SRRM4: variants seen among roughly 807,000 people sequenced by gnomAD.
SRRM4 encodes serine/arginine repetitive matrix protein 4.
A neutral mutation model predicts 68.9 loss-of-function variants in SRRM4; 33 were observed. The ratio of observed to expected loss-of-function variants is 0.48; its 90% CI spans 0.36 to 0.64. The LOEUF is 0.64. SRRM4 is among the 30% of genes least tolerant of loss of function. The pLI is 0.00. For synonymous variants in SRRM4, 318 were observed against 318.8 expected, an observed-to-expected ratio of 1.00 and a Z score of 0.03; for missense variants, 817 against 827.1, an observed-to-expected ratio of 0.99 and a Z score of 0.15.
At chr12:118,986,568 C>CTG (rs1234009333) in intron 1 of SRRM4, among the ~76,000 whole-genome samples, 1 of 152,176 alleles carries the variant, frequency 6.6e-6, no homozygotes, top group Non-Finnish European at 1.5e-5. Flanking sequence ...TTCTGAGACG[C>CTG]TGAGGCTTCT....
chr12:119,122,001 A>AT, intron 5 of SRRM4, 69 bp from the exon 6 acceptor site: 2 of 1,024,612 alleles, frequency 2.0e-6, no homozygotes, highest in Non-Finnish European at 1.6e-6. Context: ...TGTGTTAAGC[A>AT]TTTTAACTAC....
Position 119,153,619 on chromosome 12 carries a change from G to A in SRRM4, c.1361G>A (p.Ser454Asn). Residue 454 changes from serine (S) to asparagine (N), a missense_variant, in exon 11 of 13, where the codon AGC (serine) becomes AAC (asparagine). Transcript: ENST00000267260. Reference protein sequence around the residue: ...PPSRSSRSRRSPSYSRYSPSR... With the variant: ...PPSRSSRSRRNPSYSRYSPSR... ...AGCAGAAGCTCTAGGTCCCGCCGCA[G>A]CCCTAGCTACTCCCGCTACAGCCCC... 6.4e-7 allele frequency: 1 copy of A among 1,564,552 alleles called. No homozygotes were observed. Among genetic ancestry groups the A allele is most frequent in the Non-Finnish European group, 8.7e-7 (1 of 1,155,966 alleles).
intron 1 of SRRM4, among the ~76,000 whole-genome samples, chr12:119,095,838 T>G (rs1412070650): frequency 6.7e-6 from 1 of 150,310 alleles, no homozygotes; most frequent in Non-Finnish European, 1.5e-5. Flanking sequence ...CAGGTGCCTG[T>G]AATCCCAGCT....
intron 2 of SRRM4, among the ~76,000 whole-genome samples, chr12:119,105,345 T>A (rs1162613401): frequency 6.6e-6 from 1 of 152,192 alleles, no homozygotes; most frequent in Non-Finnish European, 1.5e-5. Context: ...AGTAATTGGA[T>A]GGCTGCGTCA....
intron 1 of SRRM4, among the ~76,000 whole-genome samples, chr12:119,088,260 C>G (rs1238764387): frequency 6.6e-6 from 1 of 152,068 alleles, no homozygotes; most frequent in Non-Finnish European, 1.5e-5. Context: ...TTACAAAAGT[C>G]CTGGAATTGG....
chr12:119,063,246 C>T (rs1451693535), intron 1 of SRRM4, among the ~76,000 whole-genome samples: 3 of 152,196 alleles, frequency 2.0e-5, no homozygotes, highest in Non-Finnish European at 4.4e-5. Flanking sequence ...GCACATGACT[C>T]CCATGGCCAT....
intron 1 of SRRM4, among the ~76,000 whole-genome samples, chr12:119,041,165 T>C (rs1415842762): frequency 6.6e-6 from 1 of 152,194 alleles, no homozygotes; most frequent in Non-Finnish European, 1.5e-5. Flanking sequence ...ACCCCTGTCC[T>C]TCAAATGAGG....
intron 2 of SRRM4, among the ~76,000 whole-genome samples, chr12:119,105,512 C>G (rs944523907): frequency 6.6e-6 from 1 of 152,212 alleles, no homozygotes; most frequent in African/African-American, 2.4e-5. Flanking sequence ...GATCGCCATT[C>G]TAACTGGTGT....
intron 1 of SRRM4, among the ~76,000 whole-genome samples, chr12:119,019,195 T>C (rs1449198553): frequency 6.6e-6 from 1 of 152,152 alleles, no homozygotes; most frequent in Non-Finnish European, 1.5e-5. Context: ...TAAATCAAAT[T>C]CTAATTCAAA....
chr12:119,060,103 T>A (rs991712556), intron 1 of SRRM4, among the ~76,000 whole-genome samples: 1 of 148,870 alleles, frequency 6.7e-6, no homozygotes, highest in Middle Eastern at 3.3e-3. Flanking sequence ...CAGATCTCAG[T>A]CTCTCCATCT....
intron 1 of SRRM4, among the ~76,000 whole-genome samples, chr12:119,024,920 T>G (rs1220641389): frequency 6.6e-6 from 1 of 152,184 alleles, no homozygotes; most frequent in East Asian, 1.9e-4. Context: ...GCGCTCACTG[T>G]GTGCCAGGGC....
intron 1 of SRRM4, among the ~76,000 whole-genome samples, chr12:119,058,543 A>G (rs1953791382): frequency 6.6e-6 from 1 of 152,222 alleles, no homozygotes; most frequent in Non-Finnish European, 1.5e-5. Context: ...TCAAAAGTCC[A>G]AGTTCACAAT....
chr12:119,016,514 T>C (rs1473513359), intron 1 of SRRM4, among the ~76,000 whole-genome samples: 1 of 151,638 alleles, frequency 6.6e-6, no homozygotes, highest in Non-Finnish European at 1.5e-5. Flanking sequence ...CCCAGCCCAA[T>C]TTCTAATCAA....
At chr12:118,990,032 T>C (rs1953306854) in intron 1 of SRRM4, 1 of 152,250 alleles carries the variant, frequency 6.6e-6, no homozygotes, top group African/African-American at 2.4e-5. Context: ...TGTTACTATG[T>C]GCCTTGCCCT....
intron 2 of SRRM4, among the ~76,000 whole-genome samples, chr12:119,102,864 G>A (rs545968611): frequency 1.3e-5 from 2 of 152,272 alleles, no homozygotes; most frequent in South Asian, 2.1e-4. Flanking sequence ...AGCACCCACT[G>A]TGTGATGGCA....
intron 1 of SRRM4, among the ~76,000 whole-genome samples, chr12:119,100,343 A>AAAAAAAAAAAAAC (rs1565908005): frequency 2.0e-5 from 3 of 150,656 alleles, no homozygotes; most frequent in Admixed American, 6.6e-5. Flanking sequence ...AAAAAAAAAA[A>AAAAAAAAAAAAAC]TCTGGGTGTG....
intron 8 of SRRM4, among the ~76,000 whole-genome samples, chr12:119,134,580 C>G (rs1764677435): frequency 6.6e-6 from 1 of 152,026 alleles, no homozygotes; most frequent in African/African-American, 2.4e-5. Flanking sequence ...GTAAATAGGC[C>G]CTGTCATTAC....
chr12:119,106,813 C>G (rs969306798), intron 2 of SRRM4, among the ~76,000 whole-genome samples: 3 of 152,182 alleles, frequency 2.0e-5, no homozygotes, highest in Admixed American at 1.3e-4. Flanking sequence ...CTTTCTCCTG[C>G]CTGATTGCCC....
intron 9 of SRRM4, among the ~76,000 whole-genome samples, chr12:119,149,829 C>T (rs2136067944): frequency 6.6e-6 from 1 of 152,266 alleles, no homozygotes; most frequent in Non-Finnish European, 1.5e-5. Context: ...CATCGTGAGC[C>T]TTGAAAACCA....
Sources: allele counts gnomAD v4.1 joint callset (sites outside exome capture counted in the v4.1 genomes callset), GRCh38; gene constraint gnomAD v4.1.1; transcripts MANE v1.5; gene names NCBI Gene and HGNC (gene_info 2026-07-23, HGNC 2026-07-21).